NOL4L: variants seen among roughly 807,000 people sequenced by gnomAD.
NOL4L encodes nucleolar protein 4 like, also known as nucleolar protein 4-like.
Under a neutral mutation model 64.5 loss-of-function variants are expected in NOL4L, and 7 were observed. That is an observed-to-expected ratio of 0.11 (90% confidence interval 0.06 to 0.20). The LOEUF is 0.20. Among genes scored for constraint, NOL4L ranks in the 10% least tolerant of loss-of-function variants. NOL4L has a pLI of 1.00. For synonymous variants in NOL4L, 413 were observed against 401.0 expected (o/e 1.03, Z -0.36); for missense variants, 680 against 967.1 (o/e 0.70, Z 3.94).
intron 4 of NOL4L, among the ~76,000 whole-genome samples, chr20:32,497,994 C>G (rs1192001068): frequency 6.6e-6 from 1 of 152,226 alleles, no homozygotes; most frequent in Non-Finnish European, 1.5e-5. Context: ...ACGAGTGCTT[C>G]CTGCATTTTT....
At chr20:32,569,676 G>A (rs1036223873) in intron 1 of NOL4L, among the ~76,000 whole-genome samples, 5 of 152,150 alleles carry the variant, frequency 3.3e-5, no homozygotes, top group Non-Finnish European at 7.4e-5. Context: ...CTGGCTTCCT[G>A]AGCCAACCAG....
intron 10 of NOL4L, among the ~76,000 whole-genome samples, chr20:32,448,496 C>T (rs2012537529): frequency 6.6e-6 from 1 of 152,206 alleles, no homozygotes; most frequent in Non-Finnish European, 1.5e-5. Flanking sequence ...CAGGAGGGAC[C>T]ATGGCAGCCA....
chr20:32,509,377 G>A (rs1407436322), intron 4 of NOL4L, among the ~76,000 whole-genome samples: 2 of 151,950 alleles, frequency 1.3e-5, no homozygotes, highest in Admixed American at 6.6e-5. Context: ...AAATTAGCAG[G>A]TGTGGTGGCA....
chr20:32,543,131 CA>C (rs1319238866), intron 1 of NOL4L, among the ~76,000 whole-genome samples: 1 of 152,136 alleles, frequency 6.6e-6, no homozygotes, highest in East Asian at 1.9e-4. Context: ...GCTCTGCCAT[CA>C]GGGGATGCAA....
chr20:32,490,158 T>C (rs1194868712), intron 4 of NOL4L, among the ~76,000 whole-genome samples: 3 of 139,704 alleles, frequency 2.1e-5, no homozygotes, highest in Non-Finnish European at 4.6e-5. Context: ...TATATACACA[T>C]ATATATATGT....
rs990835265 is a variant in NOL4L, at chr20:32,463,916, T to C, written c.842-7521A>G. Among the ~76,000 whole-genome samples, 1 of 152,182 alleles carries C rather than the reference T, an allele frequency of 6.6e-6. No homozygotes were observed. The highest frequency in any genetic ancestry group is 1.5e-5 in the Non-Finnish European group (1 of 68,024). ...GACCACAGGCCAGGTACACGGCCACTGGAGGCCAGCAGGCCCTGCGTGCAG... is the reference window on the plus strand; with the variant it reads ...GACCACAGGCCAGGTACACGGCCACCGGAGGCCAGCAGGCCCTGCGTGCAG... On this transcript the variant is annotated intron_variant, in intron 5 of 10. Transcript: ENST00000621426. The surrounding 1 kb of genome is among the most constrained non-coding windows in gnomAD (Gnocchi z 5.8).
At chr20:32,518,210 T>A (rs1300806120) in intron 3 of NOL4L, among the ~76,000 whole-genome samples, 1 of 152,060 alleles carries the variant, frequency 6.6e-6, no homozygotes, top group Admixed American at 6.5e-5. Context: ...TGTCTGAGGA[T>A]GGGGGAGGAT....
At chr20:32,450,554 T>C (rs1289542191) in intron 10 of NOL4L, 4 of 152,334 alleles carry the variant, frequency 2.6e-5, no homozygotes, top group South Asian at 2.1e-4. Context: ...ATTCTCTGGC[T>C]GCTGTTTGTG....
chr20:32,550,716 C>A (rs1041111798), intron 1 of NOL4L, among the ~76,000 whole-genome samples: 2 of 152,118 alleles, frequency 1.3e-5, no homozygotes, highest in Non-Finnish European at 2.9e-5. Context: ...CCCGTCTCTA[C>A]TAAAAATACA....
intron 1 of NOL4L, among the ~76,000 whole-genome samples, chr20:32,538,461 C>T (rs1047127484): frequency 3.5e-5 from 4 of 114,928 alleles, no homozygotes; most frequent in African/African-American, 6.4e-5. Context: ...CTCCCTCCCT[C>T]GCTCCCTCCC....
At chr20:32,454,208 C>T (rs997155374) in intron 6 of NOL4L, 1 of 177,212 alleles carries the variant, frequency 5.6e-6, no homozygotes, top group Admixed American at 5.4e-5. Flanking sequence ...GGCTGCAACC[C>T]CAAGTTGACA....
intron 4 of NOL4L, among the ~76,000 whole-genome samples, chr20:32,505,504 C>T (rs1239613381): frequency 1.3e-5 from 2 of 152,078 alleles, no homozygotes; most frequent in African/African-American, 2.4e-5. Context: ...ATGGGCAGAT[C>T]GCTTGAGTTC....
rs1047399196 is a variant in NOL4L at position 32,456,170 on chromosome 20, C to T, written c.1067G>A (p.Gly356Asp). The change falls in exon 6 of 11, where the codon GGT becomes GAT. Residue 356 changes from glycine (G) to aspartate (D), a missense_variant. By Grantham distance (94) the Gly-to-Asp change is moderately conservative. Around this residue, in one of 4 missense-constraint regions of NOL4L, gnomAD observed 254 missense variants for 238.7 expected, o/e 1.06. Transcript: ENST00000621426. ...GTASYPSDGC[G>D]ADGLRSRVKY... ...GACGCGGCTCCGCAGCCCGTCGGCA[C>T]CGCAGCCATCCGAGGGGTAGGAGGC... The T allele has an allele frequency of 6.3e-7, 1 of 1,590,112 alleles. No individual in the cohort carries two copies.
At chr20:32,473,330 C>T (rs1278580806) in intron 5 of NOL4L, among the ~76,000 whole-genome samples, 1 of 152,204 alleles carries the variant, frequency 6.6e-6, no homozygotes, top group Non-Finnish European at 1.5e-5. Context: ...GCGCTTGTCC[C>T]AGCCCCAGAG....
At chr20:32,448,510 G>T (rs1368306750) in intron 10 of NOL4L, among the ~76,000 whole-genome samples, 1 of 152,212 alleles carries the variant, frequency 6.6e-6, no homozygotes, top group Admixed American at 6.5e-5. Context: ...GCAGCCAGTG[G>T]ATGGAGGAAG....
chr20:32,568,359 G>A (rs369908382), intron 1 of NOL4L, among the ~76,000 whole-genome samples: 2 of 152,202 alleles, frequency 1.3e-5, no homozygotes, highest in African/African-American at 4.8e-5. Flanking sequence ...GGGCAAAGCA[G>A]CTGATGAGGA....
At chr20:32,490,122 C>T (rs1433533549) in intron 4 of NOL4L, among the ~76,000 whole-genome samples, 16 of 42,214 alleles carry the variant, frequency 3.8e-4, no homozygotes, top group Admixed American at 1.1e-3. Flanking sequence ...GAGAGAGACT[C>T]CATCTCAAAA....
chr20:32,488,970 T>C (rs1265528150), intron 4 of NOL4L, among the ~76,000 whole-genome samples: 3 of 145,216 alleles, frequency 2.1e-5, no homozygotes, highest in Non-Finnish European at 4.5e-5. Context: ...TTGGTCTTTT[T>C]TTTTTTTTTT....
At chr20:32,458,435 T>C (rs944673340) in intron 5 of NOL4L, among the ~76,000 whole-genome samples, 5 of 152,200 alleles carry the variant, frequency 3.3e-5, no homozygotes, top group African/African-American at 1.2e-4. Context: ...CTGCCAGGGA[T>C]CCTCATGCTC....
Sources: allele counts gnomAD v4.1 joint callset (sites outside exome capture counted in the v4.1 genomes callset), GRCh38; gene constraint gnomAD v4.1.1; regional missense constraint gnomAD v4.1.1; non-coding constraint Gnocchi (gnomAD v3.1); transcripts MANE v1.5; gene names NCBI Gene and HGNC (gene_info 2026-07-23, HGNC 2026-07-21).